CDH9: variants seen among roughly 807,000 people sequenced by gnomAD.
CDH9 encodes cadherin-9.
In CDH9, 28 loss-of-function variants were observed where a neutral mutation model predicts 70.9. That is an observed-to-expected ratio of 0.40 (90% CI 0.29 to 0.54). The LOEUF is 0.54. CDH9 is among the 20% of genes least tolerant of loss of function. The pLI, the probability that CDH9 is intolerant of heterozygous loss-of-function variation, is 0.59. For synonymous variants in CDH9, 409 were observed against 343.1 expected (o/e 1.19, Z -2.12); for missense variants, 874 against 984.4 (o/e 0.89, Z 1.50).
intron 2 of CDH9, among the ~76,000 whole-genome samples, chr5:26,971,616 C>G (rs1235706280): frequency 9.9e-5 from 15 of 152,138 alleles, no homozygotes; most frequent in Non-Finnish European, 5.9e-5. Context: ...GAAGTTTAAT[C>G]TCTTTACAGT....
chr5:26,892,476 G>T (rs1254995045), intron 7 of CDH9, among the ~76,000 whole-genome samples: 1 of 152,136 alleles, frequency 6.6e-6, no homozygotes, highest in Non-Finnish European at 1.5e-5. Context: ...ATTAGAATAA[G>T]AACGGAAACA....
chr5:26,895,947 T>G (rs1387271831), intron 7 of CDH9, among the ~76,000 whole-genome samples: 1 of 152,014 alleles, frequency 6.6e-6, no homozygotes, highest in East Asian at 1.9e-4. Context: ...ATTGGATATC[T>G]AAGGCTTTTT....
intron 2 of CDH9, among the ~76,000 whole-genome samples, chr5:26,938,594 C>G (rs1741602955): frequency 6.6e-6 from 1 of 152,012 alleles, no homozygotes; most frequent in Admixed American, 6.6e-5. Context: ...TAATAATACA[C>G]CTAACCTAAG....
At chr5:26,909,742 A>T (rs1166321341) in intron 3 of CDH9, among the ~76,000 whole-genome samples, 1 of 151,876 alleles carries the variant, frequency 6.6e-6, no homozygotes, top group Non-Finnish European at 1.5e-5. Flanking sequence ...TAAGGAATCA[A>T]AGAAGTTTAC....
chr5:27,037,202 G>A (rs577938259), intron 1 of CDH9, among the ~76,000 whole-genome samples: 1 of 152,016 alleles, frequency 6.6e-6, no homozygotes, highest in Non-Finnish European at 1.5e-5. Flanking sequence ...GGGAGTCGAA[G>A]GAAGATTCCC....
intron 3 of CDH9, among the ~76,000 whole-genome samples, chr5:26,914,077 T>A (rs999197784): frequency 6.6e-6 from 1 of 151,978 alleles, no homozygotes; most frequent in Non-Finnish European, 1.5e-5. Flanking sequence ...AAATAATTAT[T>A]CTTAAAGTTT....
chr5:26,972,212 T>C (rs1316407123), intron 2 of CDH9, among the ~76,000 whole-genome samples: 4 of 152,082 alleles, frequency 2.6e-5, no homozygotes, highest in Non-Finnish European at 5.9e-5. Flanking sequence ...ATAAGACCAG[T>C]TAGGGGTCTA....
At chr5:26,996,544 A>G (rs1742668733) in intron 1 of CDH9, among the ~76,000 whole-genome samples, 1 of 152,058 alleles carries the variant, frequency 6.6e-6, no homozygotes, top group Non-Finnish European at 1.5e-5. Flanking sequence ...TATAAAGAAC[A>G]CATTCTATAA....
chr5:26,897,528 T>C (rs1460034065), intron 7 of CDH9, among the ~76,000 whole-genome samples: 1 of 152,058 alleles, frequency 6.6e-6, no homozygotes, highest in Non-Finnish European at 1.5e-5. Context: ...CATAAATCAA[T>C]AAAGTAAGCC....
At chr5:27,003,854 A>C (rs1305391115) in intron 1 of CDH9, among the ~76,000 whole-genome samples, 1 of 152,040 alleles carries the variant, frequency 6.6e-6, no homozygotes, top group African/African-American at 2.4e-5. Context: ...ATAAACTATA[A>C]AGTTTAAATA....
chr5:26,892,293 A>G (rs1287658815), intron 7 of CDH9, among the ~76,000 whole-genome samples: 1 of 152,198 alleles, frequency 6.6e-6, no homozygotes, highest in Non-Finnish European at 1.5e-5. Context: ...GTGCTTCTCA[A>G]ACATTAACAT....
At chr5:26,977,783 G>A (rs760431726) in intron 2 of CDH9, among the ~76,000 whole-genome samples, 5 of 152,012 alleles carry the variant, frequency 3.3e-5, no homozygotes, top group Admixed American at 6.6e-5. Flanking sequence ...TACACAGTAA[G>A]ACACAAGTAA....
chr5:26,928,344 GA>G (rs1315292158), intron 2 of CDH9, among the ~76,000 whole-genome samples: 2 of 151,996 alleles, frequency 1.3e-5, no homozygotes, highest in African/African-American at 4.8e-5. Context: ...CAAGAAAGGA[GA>G]GGATGCAATA....
At chr5:26,987,144 G>T (rs1405673663) in intron 2 of CDH9, among the ~76,000 whole-genome samples, 4 of 135,122 alleles carry the variant, frequency 3.0e-5, no homozygotes, top group African/African-American at 1.1e-4. Flanking sequence ...TTATGTGCCT[G>T]GTGCTGTCAG....
intron 11 of CDH9, among the ~76,000 whole-genome samples, chr5:26,882,427 T>C (rs1043129662): frequency 6.6e-6 from 1 of 152,106 alleles, no homozygotes; most frequent in African/African-American, 2.4e-5. Context: ...GTTACATAGT[T>C]AACTGTGAAC....
chr5:26,973,649 C>T (rs1034178605), intron 2 of CDH9, among the ~76,000 whole-genome samples: 1 of 152,074 alleles, frequency 6.6e-6, no homozygotes, highest in African/African-American at 2.4e-5. Flanking sequence ...TCGAGTGTCT[C>T]GCTCTCTGCC....
Position 26,988,491 on chromosome 5 carries a change from T to C in CDH9, c.-49-109A>G, listed in dbSNP as rs192020582. 984 of 864,178 alleles carry C rather than the reference T, an allele frequency of 1.1e-3. 2 individuals carry two copies. The highest frequency in any genetic ancestry group is 2.2e-3 in the Admixed American group (67 of 30,074). The allele number at this position is 864,178 out of a possible 1,614,324, so 53.5% of individuals were successfully genotyped here. The stretch of plus-strand genomic sequence containing the variant: ...ACATTATTTAAATTTTATTATGTAC[T>C]ATATATACATTATATTTCTATATCA... On this transcript the variant is annotated intron_variant, in intron 1 of 11. Transcript: ENST00000231021.
chr5:26,925,140 A>T (rs1208406178), intron 2 of CDH9, among the ~76,000 whole-genome samples: 1 of 152,238 alleles, frequency 6.6e-6, no homozygotes, highest in African/African-American at 2.4e-5. Flanking sequence ...GTCTTCCACA[A>T]TGGTTGAATT....
intron 2 of CDH9, among the ~76,000 whole-genome samples, chr5:26,943,860 T>C (rs1182847753): frequency 6.6e-6 from 1 of 152,242 alleles, no homozygotes; most frequent in Non-Finnish European, 1.5e-5. Flanking sequence ...TTACATGAGA[T>C]AATGTTTGCA....
Sources: gnomAD v4.1 joint callset for allele counts (sites outside exome capture counted in the v4.1 genomes callset) on GRCh38, gnomAD v4.1.1 for gene constraint, MANE v1.5 for transcripts, NCBI Gene and HGNC (gene_info 2026-07-23, HGNC 2026-07-21) for gene names.